The following WWP1 variants were observed in gnomAD, a reference collection of about 807,000 sequenced individuals.
The protein encoded by WWP1 is NEDD4-like E3 ubiquitin-protein ligase WWP1.
A neutral mutation model predicts 130.6 loss-of-function variants in WWP1; 49 were observed. The observed-to-expected ratio is 0.38, with a 90% CI of 0.30 to 0.48. The LOEUF is 0.48. WWP1 is among the 20% of genes least tolerant of loss of function. The pLI, the probability that WWP1 is intolerant of heterozygous loss-of-function variation, is 0.99. For synonymous variants in WWP1, 332 were observed against 367.8 expected, an observed-to-expected ratio of 0.90 and a Z score of 1.11; for missense variants, 809 against 1,100.6, an observed-to-expected ratio of 0.74 and a Z score of 3.75.
chr8:86,411,454 T>C, intron 8 of WWP1, 84 bp from the exon 9 acceptor site: 1 of 1,220,096 alleles, frequency 8.2e-7, no homozygotes, highest in Non-Finnish European at 1.2e-6. Flanking sequence ...TGGATTAGGC[T>C]CTGAATAAGT....
intron 17 of WWP1, among the ~76,000 whole-genome samples, chr8:86,439,349 A>AAAAAAAAAAG (rs1810474588): frequency 1.3e-5 from 2 of 151,944 alleles, no homozygotes; most frequent in African/African-American, 4.8e-5. Context: ...TGTCAAAAAA[A>AAAAAAAAAAG]AAAAAAAAGT....
At chr8:86,396,889 G>A (rs949112259) in intron 5 of WWP1, among the ~76,000 whole-genome samples, 3 of 152,092 alleles carry the variant, frequency 2.0e-5, no homozygotes, top group African/African-American at 7.2e-5. Context: ...GTGAGCCACC[G>A]TGTCTGGCCT....
intron 3 of WWP1, among the ~76,000 whole-genome samples, chr8:86,378,465 C>T (rs775356122): frequency 1.6e-4 from 24 of 151,954 alleles, no homozygotes; most frequent in Non-Finnish European, 3.1e-4. Context: ...ACTCTCCCTA[C>T]CCTCTCACAG....
chr8:86,451,523 G>C (rs1265857096), intron 20 of WWP1, among the ~76,000 whole-genome samples: 1 of 152,166 alleles, frequency 6.6e-6, no homozygotes, highest in African/African-American at 2.4e-5. Flanking sequence ...GTTAAAGGAA[G>C]GGTTTTTGGA....
intron 7 of WWP1, among the ~76,000 whole-genome samples, 157 bp downstream of exon 7, chr8:86,398,795 TA>T (rs1332566503): frequency 2.6e-5 from 4 of 152,192 alleles, no homozygotes; most frequent in African/African-American, 9.7e-5. Context: ...AGTAGCTTTT[TA>T]AAAAATTACA....
chr8:86,427,848 A>G (rs1809719042), intron 11 of WWP1, 31 bp downstream of exon 11: 13 of 1,569,742 alleles, frequency 8.3e-6, no homozygotes, highest in African/African-American at 1.4e-5. Context: ...TGTTAACATA[A>G]CTTCCTCCCT....
In WWP1 at chr8:86,381,361, T is replaced by C. The variant is rs1824975498; in HGVS notation, c.210-144T>C. 2.9e-6 allele frequency: 3 copies of C among 1,028,416 alleles called. No homozygotes were observed. In the East Asian group the frequency reaches 8.7e-5, roughly 30 times the overall value. The allele number at this position is 1,028,416 out of a possible 1,614,324, so 63.7% of individuals were successfully genotyped here. A position where few individuals can be genotyped will look rare whatever the true frequency, so the allele number is the denominator to read the frequency against. ...TATTTATGATTCAAGTAGTTTCCTGTTTCATACAATATTTCTTCTCAAATA... is the reference window on the plus strand; with the variant it reads ...TATTTATGATTCAAGTAGTTTCCTGCTTCATACAATATTTCTTCTCAAATA... On this transcript the variant is annotated intron_variant, in intron 4 of 24. Coordinates refer to ENST00000517970, the MANE Select transcript of WWP1 (RefSeq NM_007013.4).
intron 1 of WWP1, among the ~76,000 whole-genome samples, chr8:86,366,806 T>C (rs1824000968): frequency 6.6e-6 from 1 of 152,100 alleles, no homozygotes; most frequent in African/African-American, 2.4e-5. Context: ...CTGGGACGAG[T>C]TGGTCACCCT....
At chr8:86,346,805 C>G (rs897663270) in intron 1 of WWP1, among the ~76,000 whole-genome samples, 1 of 152,052 alleles carries the variant, frequency 6.6e-6, no homozygotes, top group East Asian at 1.9e-4. Flanking sequence ...GAACTAGTTA[C>G]TAATACTTAA....
chr8:86,382,679 G>A (rs1278714099), intron 5 of WWP1, among the ~76,000 whole-genome samples: 2 of 152,034 alleles, frequency 1.3e-5, no homozygotes, highest in African/African-American at 2.4e-5. Context: ...CAGCCTGGGC[G>A]ACAGGGTGAG....
At position 86,461,207 on chromosome 8, in the gene WWP1, AT is replaced by A; in HGVS notation, c.2500-14del. On this transcript the variant is annotated splice_polypyrimidine_tract_variant and intron_variant, in intron 22 of 24. Transcript: ENST00000517970. The stretch of plus-strand genomic sequence containing the variant: ...AGTTTAGCATTTCATATTAAAGTAC[AT>A]TTAATTTCATTACAGTTTGTGAAAG... 1 of 1,593,196 alleles carries A rather than the reference AT, an allele frequency of 6.3e-7. No homozygotes were observed. Among genetic ancestry groups the A allele is most frequent in the African/African-American group, 1.3e-5 (1 of 74,690 alleles).
chr8:86,431,739 T>C lies in WWP1; in HGVS notation c.1597T>C (p.Ser533Pro). The C allele has an allele frequency of 6.2e-7, 1 of 1,613,824 alleles. No individual in the cohort carries two copies. Among genetic ancestry groups the C allele is most frequent in the Non-Finnish European group, 8.5e-7 (1 of 1,179,872 alleles). Residue 533 changes from serine (S) to proline (P), a missense_variant, in exon 14 of 25, where the codon TCT becomes CCT. Physicochemically the swap from Ser to Pro is moderately conservative, Grantham distance 74 (BLOSUM62 -1). Transcript: ENST00000517970. ...CAAAGATCCTCGCAATGGGAAGTCA[T>C]CTGTGTGAGTGAAAACCTGAAGTTC... ...TFKDPRNGKS[S>P]VTKGGPQIAY...
intron 17 of WWP1, chr8:86,442,140 G>C (rs1418399638): frequency 1.3e-5 from 2 of 152,610 alleles, no homozygotes; most frequent in South Asian, 2.1e-4. Flanking sequence ...TAGAGTGCTT[G>C]TAAGAGTTAA....
chr8:86,410,151 G>C (rs1474307999), intron 8 of WWP1, among the ~76,000 whole-genome samples: 1 of 152,082 alleles, frequency 6.6e-6, no homozygotes, highest in Admixed American at 6.5e-5. Context: ...TTTCAGCTTT[G>C]AAAGTTTACA....
At chr8:86,417,571 TG>T (rs1306959390) in intron 9 of WWP1, among the ~76,000 whole-genome samples, 6 of 152,198 alleles carry the variant, frequency 3.9e-5, no homozygotes, top group African/African-American at 1.4e-4. Flanking sequence ...GCATTGTGCT[TG>T]GAACGTAAGT....
chr8:86,419,301 C>T (rs1342004767), intron 9 of WWP1, among the ~76,000 whole-genome samples: 1 of 152,122 alleles, frequency 6.6e-6, no homozygotes, highest in African/African-American at 2.4e-5. Context: ...GCCTGTAGTC[C>T]CAGCTACTCA....
At chr8:86,379,322 G>A (rs747713032) in intron 3 of WWP1, among the ~76,000 whole-genome samples, 57 of 152,034 alleles carry the variant, frequency 3.7e-4, no homozygotes, top group Non-Finnish European at 6.9e-4. Flanking sequence ...CTATGTTGCC[G>A]GTACTTAAAT....
At chr8:86,390,817 A>G (rs917501891) in intron 5 of WWP1, among the ~76,000 whole-genome samples, 7 of 152,092 alleles carry the variant, frequency 4.6e-5, no homozygotes, top group Admixed American at 4.6e-4. Context: ...CCAATAGTCT[A>G]CCATATCAGA....
Position 86,425,066 on chromosome 8 carries a change from GTA to G in WWP1, c.1062-146_1062-145del, listed in dbSNP as rs929753789. Among the ~76,000 whole-genome samples, 18 of 151,602 alleles carry G rather than the reference GTA, an allele frequency of 1.2e-4. 1 individual carries two copies. Among genetic ancestry groups the G allele is most frequent in the Non-Finnish European group, 1.9e-4 (13 of 67,904 alleles). ...AATAATTGAGAAAATGAACACTTCT[GTA>G]TATATATATAATAGCCTTTATATAT... On this transcript the variant is annotated intron_variant, in intron 9 of 24. Coordinates refer to ENST00000517970, the MANE Select transcript of WWP1 (RefSeq NM_007013.4).
Sources: gnomAD v4.1 joint callset for allele counts (sites outside exome capture counted in the v4.1 genomes callset) on GRCh38, gnomAD v4.1.1 for gene constraint, MANE v1.5 for transcripts, NCBI Gene and HGNC (gene_info 2026-07-23, HGNC 2026-07-21) for gene names.